The following PAK5 variants were observed in gnomAD, a reference collection of about 807,000 sequenced individuals.
PAK5 encodes serine/threonine-protein kinase PAK 5.
A neutral mutation model predicts 65.9 loss-of-function variants in PAK5; 16 were observed. That is an observed-to-expected ratio of 0.24 (90% CI 0.16 to 0.37). PAK5 has a LOEUF of 0.37. Among genes scored for constraint, PAK5 ranks in the 10% least tolerant of loss-of-function variants. The probability of loss-of-function intolerance (pLI) is 1.00; values close to 1 mark genes in which losing one functional copy is unlikely to be tolerated. For synonymous variants in PAK5, 371 were observed against 354.9 expected (o/e 1.05, Z -0.51); for missense variants, 785 against 903.9 (o/e 0.87, Z 1.69).
intron 4 of PAK5, among the ~76,000 whole-genome samples, chr20:9,578,286 C>A (rs1442882904): frequency 1.3e-5 from 2 of 152,004 alleles, no homozygotes; most frequent in Admixed American, 1.3e-4. Context: ...AAAGCCCATG[C>A]TATGTGAAAA....
chr20:9,788,010 T>C lies in PAK5; in HGVS notation c.-162+50752A>G, dbSNP rs546749222. Among the ~76,000 whole-genome samples, 15 of 151,952 alleles carry C rather than the reference T, an allele frequency of 9.9e-5. No homozygotes were observed. The South Asian group carries it at 1.7e-3, about 17-fold the overall frequency. ...GGGGGGGTATGTGTGAGTACCCATA[T>C]ACAATTGAATAAACAAAAGCTAGTG... On this transcript the variant is annotated intron_variant, in intron 1 of 9. Transcript: ENST00000353224.
chr20:9,683,645 T>C (rs551149669), intron 2 of PAK5, among the ~76,000 whole-genome samples: 3 of 152,308 alleles, frequency 2.0e-5, no homozygotes, highest in East Asian at 3.9e-4. Context: ...TAGGCACTGG[T>C]AGATGATGTG....
chr20:9,740,767 A>T (rs2048442541), intron 1 of PAK5, among the ~76,000 whole-genome samples: 1 of 152,246 alleles, frequency 6.6e-6, no homozygotes, highest in Non-Finnish European at 1.5e-5. Context: ...CTAAGCCAAG[A>T]TCATAAGAGC....
intron 1 of PAK5, among the ~76,000 whole-genome samples, chr20:9,798,959 C>T (rs186912506): frequency 2.0e-5 from 3 of 152,036 alleles, no homozygotes; most frequent in Admixed American, 2.0e-4. Context: ...TCTGATGGAT[C>T]TTAAACGTTT....
chr20:9,555,405 A>G (rs1178004332), intron 7 of PAK5, among the ~76,000 whole-genome samples: 1 of 152,206 alleles, frequency 6.6e-6, no homozygotes, highest in Non-Finnish European at 1.5e-5. Flanking sequence ...ATGACTTCTT[A>G]GTCTCATTTC....
intron 2 of PAK5, among the ~76,000 whole-genome samples, chr20:9,673,860 C>T (rs1392446323): frequency 2.0e-5 from 3 of 152,146 alleles, no homozygotes; most frequent in Non-Finnish European, 4.4e-5. Context: ...CCTACCAACC[C>T]CCAGCACTCC....
chr20:9,584,802 G>C (rs2046040425), intron 3 of PAK5, among the ~76,000 whole-genome samples: 1 of 152,182 alleles, frequency 6.6e-6, no homozygotes, highest in African/African-American at 2.4e-5. Context: ...CTTTTGGACA[G>C]AAATTATACT....
intron 1 of PAK5, among the ~76,000 whole-genome samples, chr20:9,760,782 G>A (rs758874643): frequency 2.7e-5 from 4 of 147,264 alleles, no homozygotes; most frequent in African/African-American, 7.6e-5. Context: ...AGTGATTCTC[G>A]TGCCTCAGCC....
At chr20:9,760,639 A>G (rs1364147330) in intron 1 of PAK5, among the ~76,000 whole-genome samples, 3 of 148,748 alleles carry the variant, frequency 2.0e-5, no homozygotes, top group Non-Finnish European at 4.5e-5. Context: ...ATCTATATCA[A>G]TTCATCTGAC....
At chr20:9,559,228 G>C (rs1463710396) in intron 6 of PAK5, among the ~76,000 whole-genome samples, 1 of 152,050 alleles carries the variant, frequency 6.6e-6, no homozygotes, top group Non-Finnish European at 1.5e-5. Flanking sequence ...GTCCTAAAGC[G>C]AACTATCATC....
intron 1 of PAK5, among the ~76,000 whole-genome samples, chr20:9,753,987 A>T (rs1376672065): frequency 2.0e-5 from 3 of 152,150 alleles, no homozygotes; most frequent in Non-Finnish European, 2.9e-5. Flanking sequence ...TCATTTGCAC[A>T]AAGAATCTCC....
chr20:9,718,963 G>T (rs1018346475), intron 1 of PAK5, among the ~76,000 whole-genome samples: 1 of 152,108 alleles, frequency 6.6e-6, no homozygotes, highest in African/African-American at 2.4e-5. Context: ...CCTCCTCTGA[G>T]GATTTGAAAA....
At chr20:9,595,545 C>T (rs767891345) in intron 3 of PAK5, among the ~76,000 whole-genome samples, 1 of 152,160 alleles carries the variant, frequency 6.6e-6, no homozygotes, top group African/African-American at 2.4e-5. Flanking sequence ...TTAGTTATAT[C>T]TTAGATAAAG....
At chr20:9,824,559 A>G (rs531458168) in intron 1 of PAK5, among the ~76,000 whole-genome samples, 1 of 152,300 alleles carries the variant, frequency 6.6e-6, no homozygotes, top group South Asian at 2.1e-4. Flanking sequence ...AATCATATGC[A>G]ATTTGGAGTG....
intron 7 of PAK5, among the ~76,000 whole-genome samples, chr20:9,553,110 G>A (rs913338468): frequency 1.3e-5 from 2 of 152,074 alleles, no homozygotes; most frequent in Admixed American, 6.6e-5. Context: ...ATCTTACACG[G>A]CTACAGTACA....
At chr20:9,761,388 T>C (rs1258498663) in intron 1 of PAK5, among the ~76,000 whole-genome samples, 1 of 152,128 alleles carries the variant, frequency 6.6e-6, no homozygotes, top group Non-Finnish European at 1.5e-5. Flanking sequence ...AAAGAATATC[T>C]AAATAAATGG....
At chr20:9,769,480 G>A (rs908169792) in intron 1 of PAK5, among the ~76,000 whole-genome samples, 8 of 152,216 alleles carry the variant, frequency 5.3e-5, no homozygotes, top group African/African-American at 7.2e-5. Flanking sequence ...GCCATAGGGC[G>A]ATGACTTTGA....
intron 2 of PAK5, among the ~76,000 whole-genome samples, chr20:9,673,838 C>A (rs1018852866): frequency 6.6e-6 from 1 of 152,166 alleles, no homozygotes; most frequent in Non-Finnish European, 1.5e-5. Flanking sequence ...TTGTTGTAGA[C>A]AACATACTTG....
chr20:9,539,678 A>T (rs2045229183), intron 9 of PAK5, 61 bp from the exon 10 acceptor site: 1 of 1,425,100 alleles, frequency 7.0e-7, no homozygotes, highest in African/African-American at 1.4e-5. Flanking sequence ...CAGTCCCCAA[A>T]ATGTTTTCCC....
Sources: gnomAD v4.1 joint callset for allele counts (sites outside exome capture counted in the v4.1 genomes callset) on GRCh38, gnomAD v4.1.1 for gene constraint, MANE v1.5 for transcripts, NCBI Gene and HGNC (gene_info 2026-07-23, HGNC 2026-07-21) for gene names.